Variants in DLGAP2 observed in about 807,000 individuals in gnomAD.
DLGAP2 encodes DLG associated protein 2.
In DLGAP2, 26 loss-of-function variants were observed where a neutral mutation model predicts 100.3. The observed-to-expected ratio is 0.26, with a 90% CI of 0.19 to 0.36. The LOEUF (loss-of-function observed/expected upper bound fraction) is 0.36. DLGAP2 is among the 10% of genes least tolerant of loss of function. DLGAP2 has a pLI of 1.00. For synonymous variants in DLGAP2, 886 were observed against 630.1 expected, an observed-to-expected ratio of 1.41 and a Z score of -6.08; for missense variants, 1,858 against 1,453.2, an observed-to-expected ratio of 1.28 and a Z score of -4.53.
At chr8:1,662,844 G>A (rs532603471) in intron 8 of DLGAP2, among the ~76,000 whole-genome samples, 65 of 151,226 alleles carry the variant, frequency 4.3e-4, no homozygotes, top group African/African-American at 1.5e-3. Flanking sequence ...TGGGGAATGT[G>A]TGCCTGTGTG....
At chr8:951,483 T>G (rs1799478624) in intron 2 of DLGAP2, among the ~76,000 whole-genome samples, 1 of 152,144 alleles carries the variant, frequency 6.6e-6, no homozygotes, top group Non-Finnish European at 1.5e-5. Flanking sequence ...ACTCCTGACC[T>G]CAGGTGATCT....
chr8:1,164,291 T>G (rs377205975), intron 2 of DLGAP2, among the ~76,000 whole-genome samples: 50 of 75,288 alleles, frequency 6.6e-4, no homozygotes, highest in African/African-American at 7.6e-4. Flanking sequence ...GGACTGATTG[T>G]GAGCCCCCCA....
chr8:1,282,430 G>A (rs1256126832), intron 3 of DLGAP2, among the ~76,000 whole-genome samples: 11,242 of 117,434 alleles, frequency 0.096, 1,398 homozygotes, highest in Non-Finnish European at 0.11. Flanking sequence ...TGAACCATCC[G>A]GACATGGTGT....
At chr8:1,675,261 C>A (rs1434292882) in intron 10 of DLGAP2, among the ~76,000 whole-genome samples, 1 of 152,222 alleles carries the variant, frequency 6.6e-6, no homozygotes, top group Non-Finnish European at 1.5e-5. Flanking sequence ...GTGCGGCACC[C>A]GGCTCTGGGG....
intron 3 of DLGAP2, among the ~76,000 whole-genome samples, chr8:1,450,964 C>T (rs1395606290): frequency 6.6e-6 from 1 of 152,136 alleles, no homozygotes; most frequent in Non-Finnish European, 1.5e-5. Context: ...GGAAATGCAT[C>T]ATACCTCGTA....
intron 2 of DLGAP2, among the ~76,000 whole-genome samples, chr8:1,168,526 A>C (rs1466997859): frequency 2.0e-5 from 3 of 147,216 alleles, no homozygotes; most frequent in Non-Finnish European, 3.0e-5. Context: ...ATTTCTCCAC[A>C]TCCTCTCCAG....
Position 1,240,942 on chromosome 8 carries a change from C to T in DLGAP2, c.74-17909C>T, listed in dbSNP as rs1203088932. On this transcript the variant is annotated intron_variant, in intron 2 of 14. Coordinates refer to ENST00000637795, the MANE Select transcript of DLGAP2 (RefSeq NM_001346810.2). ...CACTGTGTCTAGTTCTCTCACATGG[C>T]GCCGTGTCTAGTTCTCTTACATGGC... Among the ~76,000 whole-genome samples the T allele has an allele frequency of 4.5e-3, 32 of 7,072 alleles. 12 individuals carry two copies. The highest frequency in any genetic ancestry group is 0.024 in the African/African-American group (28 of 1,146). 4.6% of individuals were successfully genotyped at this position (7,072 alleles called of 152,430 possible). A position where few individuals can be genotyped will look rare whatever the true frequency, so the allele number is the denominator to read the frequency against.
At chr8:1,433,774 ATTGTG>A (rs1453424805) in intron 3 of DLGAP2, among the ~76,000 whole-genome samples, 1 of 139,660 alleles carries the variant, frequency 7.2e-6, no homozygotes, top group East Asian at 2.3e-4. Context: ...GAGTTCAGAT[ATTGTG>A]TTGACAGCTG....
At chr8:977,650 G>A (rs1800201000) in intron 2 of DLGAP2, among the ~76,000 whole-genome samples, 1 of 152,176 alleles carries the variant, frequency 6.6e-6, no homozygotes, top group South Asian at 2.1e-4. Context: ...CCTTCTTTGT[G>A]AAATATAATT....
At chr8:916,618 G>A (rs1025361282) in intron 2 of DLGAP2, among the ~76,000 whole-genome samples, 1 of 152,036 alleles carries the variant, frequency 6.6e-6, no homozygotes, top group East Asian at 1.9e-4. Flanking sequence ...TAACAAACCT[G>A]CACGTTGTGC....
intron 1 of DLGAP2, among the ~76,000 whole-genome samples, chr8:767,512 C>G (rs1054990318): frequency 1.3e-5 from 2 of 152,016 alleles, no homozygotes; most frequent in Admixed American, 1.3e-4. Context: ...ACCTGGCACC[C>G]TGCCCGGCTA....
At chr8:1,212,069 T>C (rs1798117342) in intron 2 of DLGAP2, among the ~76,000 whole-genome samples, 1 of 152,152 alleles carries the variant, frequency 6.6e-6, no homozygotes, top group African/African-American at 2.4e-5. Flanking sequence ...AATTATTTTA[T>C]GAACAAATGA....
At chr8:1,500,603 G>T (rs1014821957) in intron 3 of DLGAP2, among the ~76,000 whole-genome samples, 1 of 152,276 alleles carries the variant, frequency 6.6e-6, no homozygotes, top group Non-Finnish European at 1.5e-5. Context: ...GCTCAGTCCA[G>T]CTCCTCAGGG....
rs1799584100 is a variant in DLGAP2 at position 1,701,926 on chromosome 8, G to C, written c.*520G>C. 6.6e-6 allele frequency: 1 copy of C among 152,580 alleles called. No homozygotes were observed. Among genetic ancestry groups the C allele is most frequent in the African/African-American group, 2.4e-5 (1 of 41,396 alleles). 9.5% of individuals were successfully genotyped at this position (152,580 alleles called of 1,614,324 possible). ...GCCGAGCTTTTACTCCCTGAGCACG[G>C]GCCGCTCCGCTCCCCTGCTCCTGTC... On this transcript the variant is annotated 3_prime_UTR_variant, in exon 15 of 15. Transcript: ENST00000637795.
chr8:792,882 T>G (rs116615913), intron 1 of DLGAP2, among the ~76,000 whole-genome samples: 1,839 of 152,328 alleles, frequency 0.012, 36 homozygotes, highest in African/African-American at 0.042. Flanking sequence ...TCATTTTTGT[T>G]TATGGGGCTG....
chr8:1,037,446 C>T (rs1802165055), intron 2 of DLGAP2, among the ~76,000 whole-genome samples: 1 of 152,136 alleles, frequency 6.6e-6, no homozygotes, highest in Non-Finnish European at 1.5e-5. Context: ...CCTGCACCCC[C>T]AGGGCCTGGC....
At chr8:1,440,255 A>C (rs1447640430) in intron 3 of DLGAP2, among the ~76,000 whole-genome samples, 1 of 152,242 alleles carries the variant, frequency 6.6e-6, no homozygotes, top group Non-Finnish European at 1.5e-5. Flanking sequence ...TTTTGAGTTC[A>C]AGTTCTCCTT....
intron 13 of DLGAP2, among the ~76,000 whole-genome samples, chr8:1,695,940 G>A (rs979578571): frequency 6.6e-6 from 1 of 152,240 alleles, no homozygotes; most frequent in South Asian, 2.1e-4. Context: ...GCCTGGGGGG[G>A]CTTTGAGTGG....
rs190692881 is a variant in DLGAP2 at position 1,183,927 on chromosome 8, A to G, written c.74-74924A>G. Among the ~76,000 whole-genome samples, 20 of 152,342 alleles carry G rather than the reference A, an allele frequency of 1.3e-4. No homozygotes were observed. The East Asian group carries it at 3.1e-3, about 23-fold the overall frequency. On this transcript the variant is annotated intron_variant, in intron 2 of 14. Coordinates refer to ENST00000637795, the MANE Select transcript of DLGAP2 (RefSeq NM_001346810.2). ...TATCAAATAGGAATAATAGCATTTA[A>G]TCATTGCGTGATTATTACATTAAAG...
Sources: allele counts gnomAD v4.1 joint callset (sites outside exome capture counted in the v4.1 genomes callset), GRCh38; gene constraint gnomAD v4.1.1; transcripts MANE v1.5; gene names NCBI Gene and HGNC (gene_info 2026-07-23, HGNC 2026-07-21).